Variants in PEX14 observed in about 807,000 individuals in gnomAD.
PEX14 encodes the protein peroxisomal membrane protein PEX14.
PEX14 carries 15 observed loss-of-function variants against 49.5 expected under a neutral mutation model. The ratio of observed to expected loss-of-function variants is 0.30; its 90% confidence interval spans 0.20 to 0.47. The LOEUF (loss-of-function observed/expected upper bound fraction) is 0.47, where lower values mean the gene tolerates loss of function less well. Among genes scored for constraint, PEX14 ranks in the 20% least tolerant of loss-of-function variants. PEX14 has a pLI of 1.00. For synonymous variants in PEX14, 210 were observed against 212.7 expected, an observed-to-expected ratio of 0.99 and a Z score of 0.11; for missense variants, 398 against 494.8, an observed-to-expected ratio of 0.80 and a Z score of 1.86.
chr1:10,535,925 A>G lies in PEX14; in HGVS notation c.85-288A>G, dbSNP rs12408852. On this transcript the variant is annotated intron_variant, in intron 2 of 8. Transcript: ENST00000356607. Reference sequence around the variant, plus strand: ...TGGCCACACCTGCCGGGGAGTATGAAGAATCAGCTCGAATGGAGATCAGGA... The same window carrying G: ...TGGCCACACCTGCCGGGGAGTATGAGGAATCAGCTCGAATGGAGATCAGGA... The G allele has an allele frequency of 0.034, 13,935 of 413,098 alleles. 316 individuals are homozygous for G. The highest frequency in any genetic ancestry group is 0.066 in the South Asian group (3,127 of 47,412). The allele number at this position is 413,098 out of a possible 1,614,324, so 25.6% of individuals were successfully genotyped here.
In PEX14 at chr1:10,545,459, T is replaced by C. The variant is rs113813944; in HGVS notation, c.169+9162T>C. 2.8e-4 allele frequency among the ~76,000 whole-genome samples: 43 copies of C among 152,336 alleles called. 1 individual carries two copies. The highest frequency in any genetic ancestry group is 9.6e-4 in the African/African-American group (40 of 41,572). On this transcript the variant is annotated intron_variant, in intron 3 of 8. Transcript: ENST00000356607. Reference sequence around the variant, plus strand: ...TACATTCTCACCAGTCATGTATGAGTGTACCAGCATTTTGAGCCTGGAGAA... The same window carrying C: ...TACATTCTCACCAGTCATGTATGAGCGTACCAGCATTTTGAGCCTGGAGAA...
intron 2 of PEX14, among the ~76,000 whole-genome samples, chr1:10,510,530 T>G (rs1641863777): frequency 6.6e-6 from 1 of 152,192 alleles, no homozygotes; most frequent in Non-Finnish European, 1.5e-5. Context: ...GCCAGGCACT[T>G]ATGTAAGACT....
chr1:10,612,355 A>G (rs1557428047), intron 4 of PEX14, among the ~76,000 whole-genome samples: 3 of 151,462 alleles, frequency 2.0e-5, no homozygotes, highest in Admixed American at 6.6e-5. Context: ...TAGAGCTCAT[A>G]TTTTTTAATC....
intron 5 of PEX14, among the ~76,000 whole-genome samples, chr1:10,619,386 G>A (rs1409791717): frequency 6.7e-6 from 1 of 149,516 alleles, no homozygotes; most frequent in Non-Finnish European, 1.5e-5. Context: ...GCATGATCTC[G>A]GCTCACTGCA....
intron 7 of PEX14, 59 bp from the exon 8 acceptor site, chr1:10,627,213 G>C (rs557555323): frequency 3.4e-6 from 4 of 1,174,298 alleles, no homozygotes; most frequent in South Asian, 1.2e-5. Flanking sequence ...TCCTGCAGCC[G>C]CAGGCCCCGC....
rs1240726677 is a variant in PEX14, at chr1:10,529,127, A to G, written c.85-7086A>G. ...ATTCAGGTGGGGATGCGTGGGGACAAGGCATTTAAATGTGCTTTTCTTTCT... is the reference window on the plus strand; with the variant it reads ...ATTCAGGTGGGGATGCGTGGGGACAGGGCATTTAAATGTGCTTTTCTTTCT... On this transcript the variant is annotated intron_variant, in intron 2 of 8. Transcript: ENST00000356607. This position sits in a 1 kb window ranked among gnomAD's most constrained non-coding sequence, Gnocchi z 4.2. Among the ~76,000 whole-genome samples the G allele has an allele frequency of 6.6e-6, 1 of 152,210 alleles. No individual in the cohort carries two copies. Among genetic ancestry groups the G allele is most frequent in the Non-Finnish European group, 1.5e-5 (1 of 68,034 alleles).
intron 2 of PEX14, among the ~76,000 whole-genome samples, chr1:10,496,343 G>A (rs1353217014): frequency 6.6e-6 from 1 of 152,086 alleles, no homozygotes; most frequent in Non-Finnish European, 1.5e-5. Flanking sequence ...GCACTCCCAC[G>A]GTGGCCTCGT....
At chr1:10,573,322 C>T (rs1290513157) in intron 3 of PEX14, among the ~76,000 whole-genome samples, 4 of 152,048 alleles carry the variant, frequency 2.6e-5, no homozygotes, top group Non-Finnish European at 5.9e-5. Context: ...ACAGGCTGGG[C>T]GCAGTAGCTC....
chr1:10,515,714 A>G (rs892643358), intron 2 of PEX14, among the ~76,000 whole-genome samples: 2 of 152,202 alleles, frequency 1.3e-5, no homozygotes, highest in Non-Finnish European at 2.9e-5. Flanking sequence ...AAACCAAAGT[A>G]AAAAATCCTT....
intron 2 of PEX14, among the ~76,000 whole-genome samples, chr1:10,503,372 T>C (rs1641721511): frequency 6.6e-6 from 1 of 150,608 alleles, no homozygotes; most frequent in Non-Finnish European, 1.5e-5. Context: ...CTTGGTTATC[T>C]TAACCAATAC....
intron 3 of PEX14, among the ~76,000 whole-genome samples, chr1:10,577,531 T>TACAC (rs1199836457): frequency 1.8e-3 from 2 of 1,112 alleles, no homozygotes; most frequent in African/African-American, 3.2e-3. Flanking sequence ...ACACTATACA[T>TACAC]ATATATATAT....
chr1:10,574,099 C>T (rs1053490635), intron 3 of PEX14, among the ~76,000 whole-genome samples: 1 of 152,162 alleles, frequency 6.6e-6, no homozygotes, highest in African/African-American at 2.4e-5. Context: ...GAGATTCCAA[C>T]TCTAAATAAA....
intron 1 of PEX14, among the ~76,000 whole-genome samples, chr1:10,485,332 G>A (rs927159085): frequency 5.7e-5 from 8 of 140,834 alleles, no homozygotes; most frequent in Admixed American, 5.7e-4. Flanking sequence ...TTAAGAGACA[G>A]GGTCTTTTTT....
rs572303701 is a variant in PEX14, at chr1:10,630,344, G to A, written c.*357G>A. 26 of 358,510 alleles carry A rather than the reference G, an allele frequency of 7.3e-5. No homozygotes were observed. The highest frequency in any genetic ancestry group is 3.5e-4 in the African/African-American group (17 of 48,342). 22.2% of individuals were successfully genotyped at this position (358,510 alleles called of 1,614,324 possible). A position where few individuals can be genotyped will look rare whatever the true frequency, so the allele number is the denominator to read the frequency against. Reference sequence around the variant, plus strand: ...GTGTTTGCTGAGTGTCTTGACTACCGTGACACCACGCATGGCCAGAGCTAG... The same window carrying A: ...GTGTTTGCTGAGTGTCTTGACTACCATGACACCACGCATGGCCAGAGCTAG... On this transcript the variant is annotated 3_prime_UTR_variant, in exon 9 of 9. Transcript: ENST00000356607. The surrounding 1 kb of genome is among the most constrained non-coding windows in gnomAD (Gnocchi z 4.1).
At chr1:10,592,495 T>C (rs982571322) in intron 3 of PEX14, among the ~76,000 whole-genome samples, 1 of 152,206 alleles carries the variant, frequency 6.6e-6, no homozygotes, top group African/African-American at 2.4e-5. Flanking sequence ...GTCGTTCATA[T>C]GAGAGATCTC....
At chr1:10,608,017 G>A (rs1242708606) in intron 4 of PEX14, among the ~76,000 whole-genome samples, 1 of 152,100 alleles carries the variant, frequency 6.6e-6, no homozygotes, top group African/African-American at 2.4e-5. Flanking sequence ...ACCCAGGCTG[G>A]AATGCAATGG....
At chr1:10,600,191 G>A (rs989819937) in intron 4 of PEX14, among the ~76,000 whole-genome samples, 2 of 152,150 alleles carry the variant, frequency 1.3e-5, no homozygotes, top group Non-Finnish European at 2.9e-5. Context: ...AGGCTGAGGC[G>A]GGTGGATCAC....
intron 1 of PEX14, among the ~76,000 whole-genome samples, chr1:10,487,855 A>G (rs928569877): frequency 2.6e-5 from 4 of 151,642 alleles, no homozygotes; most frequent in Non-Finnish European, 5.9e-5. Context: ...ATCTCGGCTT[A>G]CTGCAACTTC....
intron 1 of PEX14, among the ~76,000 whole-genome samples, chr1:10,478,397 C>T (rs925425631): frequency 6.6e-6 from 1 of 152,108 alleles, no homozygotes. Flanking sequence ...AGAAGTAATT[C>T]CTTAAAATTT....
Sources: allele counts gnomAD v4.1 joint callset (sites outside exome capture counted in the v4.1 genomes callset), GRCh38; gene constraint gnomAD v4.1.1; non-coding constraint Gnocchi (gnomAD v3.1); transcripts MANE v1.5; gene names NCBI Gene and HGNC (gene_info 2026-07-23, HGNC 2026-07-21).